ATG7: variants seen among roughly 807,000 people sequenced by gnomAD.
The protein encoded by ATG7 is ubiquitin-like modifier-activating enzyme ATG7.
A neutral mutation model predicts 82.4 loss-of-function variants in ATG7; 70 were observed. The ratio of observed to expected loss-of-function variants is 0.85; its 90% confidence interval spans 0.70 to 1.04. The LOEUF (loss-of-function observed/expected upper bound fraction) is 1.04, where lower values mean the gene tolerates loss of function less well. ATG7 is among the 50% of genes least tolerant of loss of function. ATG7 has a pLI of 0.00. For missense variants in ATG7, 792 were observed against 864.3 expected, an observed-to-expected ratio of 0.92 and a Z score of 1.05; for synonymous variants, 287 against 313.0, an observed-to-expected ratio of 0.92 and a Z score of 0.88.
chr3:11,307,285 G>A (rs1282456944), intron 6 of ATG7, among the ~76,000 whole-genome samples: 1 of 152,210 alleles, frequency 6.6e-6, no homozygotes, highest in South Asian at 2.1e-4. Flanking sequence ...CCTGGGATAG[G>A]CTGGAAATAA....
At chr3:11,407,202 A>C (rs946966544) in intron 19 of ATG7, among the ~76,000 whole-genome samples, 2 of 152,202 alleles carry the variant, frequency 1.3e-5, no homozygotes, top group East Asian at 1.9e-4. Flanking sequence ...GGCTCCATAC[A>C]AGTCTGAAAT....
chr3:11,438,210 C>T (rs935213419), intron 20 of ATG7, among the ~76,000 whole-genome samples: 2 of 152,154 alleles, frequency 1.3e-5, no homozygotes, highest in African/African-American at 2.4e-5. Context: ...ACCAGGGCAT[C>T]CTGGTCTGAT....
At chr3:11,399,215 G>A (rs1028024067) in intron 19 of ATG7, among the ~76,000 whole-genome samples, 1 of 152,126 alleles carries the variant, frequency 6.6e-6, no homozygotes, top group Non-Finnish European at 1.5e-5. Context: ...AGGTATGGTG[G>A]CCTGTACATA....
chr3:11,419,214 G>C (rs2081701266), intron 19 of ATG7, among the ~76,000 whole-genome samples: 1 of 152,160 alleles, frequency 6.6e-6, no homozygotes, highest in African/African-American at 2.4e-5. Context: ...ATTAGCAATT[G>C]TTTTTAGATA....
At chr3:11,464,626 A>T (rs1350334059) in intron 20 of ATG7, among the ~76,000 whole-genome samples, 1 of 152,246 alleles carries the variant, frequency 6.6e-6, no homozygotes, top group Non-Finnish European at 1.5e-5. Flanking sequence ...TGTTTTAATT[A>T]TACCATTTAA....
chr3:11,364,366 T>A (rs1003388393), intron 17 of ATG7, among the ~76,000 whole-genome samples: 2 of 152,198 alleles, frequency 1.3e-5, no homozygotes, highest in African/African-American at 4.8e-5. Context: ...GATTCCTCAT[T>A]TATTAATCAG....
chr3:11,303,272 C>T (rs1226762535), intron 5 of ATG7, among the ~76,000 whole-genome samples: 1 of 152,146 alleles, frequency 6.6e-6, no homozygotes, highest in African/African-American at 2.4e-5. Context: ...GACTGGGAAG[C>T]GTGGAACCCA....
At chr3:11,315,014 C>G (rs774490562) in intron 8 of ATG7, among the ~76,000 whole-genome samples, 1 of 152,122 alleles carries the variant, frequency 6.6e-6, no homozygotes, top group Non-Finnish European at 1.5e-5. Context: ...TAAAATTCAT[C>G]AGGGGTAGAT....
At chr3:11,388,995 A>G (rs2078549177) in intron 19 of ATG7, among the ~76,000 whole-genome samples, 1 of 151,992 alleles carries the variant, frequency 6.6e-6, no homozygotes, top group South Asian at 2.1e-4. Flanking sequence ...CACCTGTAAT[A>G]TCAGCACTGT....
chr3:11,326,286 GTT>G (rs60421306), intron 9 of ATG7, among the ~76,000 whole-genome samples: 2 of 146,626 alleles, frequency 1.4e-5, no homozygotes, highest in Non-Finnish European at 3.0e-5. Flanking sequence ...TGTAAATGCT[GTT>G]TTTTTTTTGT....
At chr3:11,477,667 A>C (rs1559706068) in intron 20 of ATG7, among the ~76,000 whole-genome samples, 1 of 152,224 alleles carries the variant, frequency 6.6e-6, no homozygotes, top group Admixed American at 6.5e-5. Flanking sequence ...AATTTTAACC[A>C]ACCTGAACAA....
intron 20 of ATG7, among the ~76,000 whole-genome samples, chr3:11,456,800 A>G (rs1004970856): frequency 9.2e-5 from 14 of 152,018 alleles, no homozygotes; most frequent in African/African-American, 3.1e-4. Flanking sequence ...ACTGTGTCAC[A>G]TTTTTTCGCG....
intron 20 of ATG7, among the ~76,000 whole-genome samples, chr3:11,514,609 T>C (rs2092206048): frequency 6.6e-6 from 1 of 152,254 alleles, no homozygotes; most frequent in Admixed American, 6.5e-5. Context: ...GGTAAGCCAC[T>C]AGCTGTTGAG....
Position 11,347,961 on chromosome 3 carries a change from G to A in ATG7, c.1210G>A (p.Glu404Lys). 2 of 1,614,152 alleles carry A rather than the reference G, an allele frequency of 1.2e-6. No individual in the cohort carries two copies. The highest frequency in any genetic ancestry group is 1.7e-6 in the Non-Finnish European group (2 of 1,180,008). Residue 404 changes from glutamate to lysine, a missense_variant, in exon 14 of 21, where the codon GAA becomes AAA. By Grantham distance (56) the Glu-to-Lys change is moderately conservative. Transcript: ENST00000693202. ...TGTGAGGCAGCCTCTCTATGAGTTT[G>A]AAGATTGCCTAGGGGGTGGTAAGCC... ...NPVRQPLYEFEDCLGGGKPKA... is the reference protein window; with the variant it reads ...NPVRQPLYEFKDCLGGGKPKA...
intron 7 of ATG7, among the ~76,000 whole-genome samples, chr3:11,310,487 G>A (rs1309114745): frequency 6.6e-6 from 1 of 152,206 alleles, no homozygotes; most frequent in Non-Finnish European, 1.5e-5. Context: ...GCCAGTGGGT[G>A]GCTATCTACA....
At chr3:11,512,617 G>A (rs2092113898) in intron 20 of ATG7, among the ~76,000 whole-genome samples, 1 of 152,184 alleles carries the variant, frequency 6.6e-6, no homozygotes, top group African/African-American at 2.4e-5. Flanking sequence ...TGTTCCTCCT[G>A]GTGGGTTCGT....
chr3:11,422,687 T>A (rs2082032256), intron 19 of ATG7, among the ~76,000 whole-genome samples: 2 of 151,498 alleles, frequency 1.3e-5, no homozygotes, highest in African/African-American at 2.4e-5. Context: ...AGCTTTTTTT[T>A]AGCATGTCTC....
At chr3:11,335,899 G>A (rs747813293) in intron 11 of ATG7, among the ~76,000 whole-genome samples, 12 of 151,942 alleles carry the variant, frequency 7.9e-5, no homozygotes, top group Non-Finnish European at 1.0e-4. Context: ...GGGTTTCACT[G>A]TGTTGGCCAG....
rs778594809 is a variant in ATG7, at chr3:11,554,794, T to C, written c.2080-17T>C. 4 of 1,612,948 alleles carry C rather than the reference T, an allele frequency of 2.5e-6. No individual in the cohort carries two copies. Among genetic ancestry groups the C allele is most frequent in the South Asian group, 1.1e-5 (1 of 90,944 alleles). On this transcript the variant is annotated splice_polypyrimidine_tract_variant and intron_variant, in intron 20 of 20. Coordinates refer to ENST00000693202, the MANE Select transcript of ATG7 (RefSeq NM_001349232.2). ...CAGTGGGACATCTCGGCTGAGCCTC[T>C]CCCCTTCTCCATGCAGATCTGGGAC...
Sources: gnomAD v4.1 joint callset for allele counts (sites outside exome capture counted in the v4.1 genomes callset) on GRCh38, gnomAD v4.1.1 for gene constraint, MANE v1.5 for transcripts, NCBI Gene and HGNC (gene_info 2026-07-23, HGNC 2026-07-21) for gene names.